The following ESR1 variants were observed in gnomAD, a reference collection of about 807,000 sequenced individuals.
The protein encoded by ESR1 is estrogen receptor 1, also known as estrogen receptor.
A neutral mutation model predicts 52.7 loss-of-function variants in ESR1; 12 were observed. The observed-to-expected ratio is 0.23, with a 90% CI of 0.15 to 0.37. The LOEUF (loss-of-function observed/expected upper bound fraction) is 0.37. Ranked by LOEUF, ESR1 falls within the 10% of genes least tolerant of loss-of-function variation. The pLI is 1.00. For missense variants in ESR1, 584 were observed against 779.7 expected (o/e 0.75, Z 2.99); for synonymous variants, 305 against 316.8 (o/e 0.96, Z 0.39).
rs7772340 is a variant in ESR1 at position 151,893,147 on chromosome 6, T to C, written c.760+12376T>C. Among the ~76,000 whole-genome samples the C allele has an allele frequency of 3.4e-4, 52 of 152,194 alleles. No individual in the cohort carries two copies. The East Asian group carries it at 7.6e-3, about 22-fold the overall frequency. ...CGGAGCTTGCAGTGAGCCAAGATCG[T>C]GCCACTGCACTCCAGACTGGGCGAC... On this transcript the variant is annotated intron_variant, in intron 3 of 7. Coordinates refer to ENST00000206249, the MANE Select transcript of ESR1 (RefSeq NM_000125.4).
chr6:151,903,401 C>T (rs534618133), intron 3 of ESR1, among the ~76,000 whole-genome samples: 24 of 152,086 alleles, frequency 1.6e-4, no homozygotes, highest in Non-Finnish European at 2.2e-4. Flanking sequence ...GTGAGAGAGC[C>T]GTTTCCATCA....
chr6:151,823,254 C>T (rs953668550), intron 1 of ESR1, among the ~76,000 whole-genome samples: 4 of 152,104 alleles, frequency 2.6e-5, no homozygotes, highest in Non-Finnish European at 4.4e-5. Context: ...TTATGGTGCC[C>T]GTTTCCACCT....
intron 1 of ESR1, among the ~76,000 whole-genome samples, chr6:151,672,259 G>A (rs535794038): frequency 3.9e-5 from 6 of 151,964 alleles, no homozygotes; most frequent in Non-Finnish European, 5.9e-5. Flanking sequence ...AAAAATATAT[G>A]CGGTTTTTAT....
chr6:151,880,389 G>A (rs1167446407), intron 2 of ESR1, among the ~76,000 whole-genome samples: 2 of 151,886 alleles, frequency 1.3e-5, no homozygotes, highest in Non-Finnish European at 2.9e-5. Context: ...CACCATGTTG[G>A]TCAGGCTGGT....
intron 2 of ESR1, among the ~76,000 whole-genome samples, chr6:151,759,528 A>T (rs948582566): frequency 6.6e-6 from 1 of 151,434 alleles, no homozygotes; most frequent in Admixed American, 6.6e-5. Context: ...TAATAATAAT[A>T]AAAAAAGAAT....
At chr6:152,103,980 C>CTTTTTTTTTTTT (rs369261779), downstream of ESR1, among the ~76,000 whole-genome samples, 1 of 93,884 alleles carries the variant, frequency 1.1e-5, no homozygotes, top group Middle Eastern at 7.7e-3. Context: ...TTCATTCTAC[C>CTTTTTTTTTTTT]TTTTTTTTTT....
At chr6:151,863,153 C>T (rs1316407322) in intron 2 of ESR1, among the ~76,000 whole-genome samples, 2 of 151,982 alleles carry the variant, frequency 1.3e-5, no homozygotes, top group Admixed American at 1.3e-4. Context: ...TTTTTTGGTT[C>T]CATATGAACT....
intron 2 of ESR1, among the ~76,000 whole-genome samples, chr6:151,777,681 T>C (rs79225868): frequency 0.087 from 13,185 of 152,044 alleles, 684 homozygotes; most frequent in African/African-American, 0.1. Context: ...ACAATAGGGC[T>C]GGGTATAGTG....
intron 2 of ESR1, among the ~76,000 whole-genome samples, chr6:151,759,002 C>T (rs544321874): frequency 1.1e-3 from 169 of 151,436 alleles, no homozygotes; most frequent in Admixed American, 4.8e-3. Context: ...TAAGGCCGGA[C>T]GCAGTGGCTC....
In ESR1 at chr6:151,938,149, A is replaced by G. The variant is rs117979638; in HGVS notation, c.761-6024A>G. ...ATTATGCAAATGTTTGAAATATCTA[A>G]TAATACATGAACGTAGTCATGGGAA... On this transcript the variant is annotated intron_variant, in intron 3 of 7. Transcript: ENST00000206249. 3.0e-4 allele frequency among the ~76,000 whole-genome samples: 46 copies of G among 152,366 alleles called. No individual in the cohort carries two copies. In the East Asian group the frequency reaches 7.7e-3, roughly 26 times the overall value.
At chr6:151,710,484 A>G (rs980518419) in intron 2 of ESR1, among the ~76,000 whole-genome samples, 2 of 152,194 alleles carry the variant, frequency 1.3e-5, no homozygotes, top group Non-Finnish European at 2.9e-5. Context: ...TTAGCTTGAA[A>G]CATGAAATTG....
chr6:151,751,617 C>T (rs911053103), intron 2 of ESR1, among the ~76,000 whole-genome samples: 5 of 152,140 alleles, frequency 3.3e-5, no homozygotes, highest in South Asian at 2.1e-4. Flanking sequence ...AGTTAATATC[C>T]AAACCTGGAG....
chr6:151,734,229 A>C (rs1782466016), intron 2 of ESR1, among the ~76,000 whole-genome samples: 1 of 152,200 alleles, frequency 6.6e-6, no homozygotes, highest in South Asian at 2.1e-4. Flanking sequence ...GCCATGCAAC[A>C]GGCCTGGCTG....
chr6:152,012,001 A>T (rs2042803485), intron 5 of ESR1, among the ~76,000 whole-genome samples: 1 of 143,240 alleles, frequency 7.0e-6, no homozygotes, highest in Non-Finnish European at 1.5e-5. Flanking sequence ...CCTCAGAAGA[A>T]TTCTATTATT....
At chr6:151,717,945 G>A (rs562434462) in intron 2 of ESR1, among the ~76,000 whole-genome samples, 24 of 152,284 alleles carry the variant, frequency 1.6e-4, no homozygotes, top group African/African-American at 5.8e-4. Flanking sequence ...GCTGGGGAGT[G>A]TGGAGGAGCT....
chr6:151,801,335 T>C (rs1777223794), upstream of ESR1, among the ~76,000 whole-genome samples: 1 of 152,212 alleles, frequency 6.6e-6, no homozygotes, highest in African/African-American at 2.4e-5. Context: ...AGGTACATTA[T>C]ATAAAAAGAT....
intron 2 of ESR1, among the ~76,000 whole-genome samples, chr6:151,706,461 C>G (rs78362552): frequency 0.03 from 4,568 of 152,204 alleles, 223 homozygotes; most frequent in African/African-American, 0.1. Context: ...TTGCCTCAAC[C>G]AGGAAGCACA....
At position 152,099,016 on chromosome 6, in the gene ESR1, C is replaced by A. The variant is rs2152507654; in HGVS notation, c.*50C>A. The A allele has an allele frequency of 6.7e-7, 1 of 1,498,032 alleles. No homozygotes were observed. Among genetic ancestry groups the A allele is most frequent in the Non-Finnish European group, 9.3e-7 (1 of 1,079,800 alleles). 92.8% of individuals were successfully genotyped at this position (1,498,032 alleles called of 1,614,324 possible). A position where few individuals can be genotyped will look rare whatever the true frequency, so the allele number is the denominator to read the frequency against. On this transcript the variant is annotated 3_prime_UTR_variant, in exon 8 of 8. Coordinates refer to ENST00000206249, the MANE Select transcript of ESR1 (RefSeq NM_000125.4). ...CAGATAATCCCTGCTGCATTTTACCCTCATCATGCACCACTTTAGCCAAAT... is the reference window on the plus strand; with the variant it reads ...CAGATAATCCCTGCTGCATTTTACCATCATCATGCACCACTTTAGCCAAAT...
intron 3 of ESR1, among the ~76,000 whole-genome samples, chr6:151,929,994 T>C (rs1315712532): frequency 1.3e-5 from 2 of 152,130 alleles, no homozygotes; most frequent in Non-Finnish European, 2.9e-5. Context: ...TTCTTTTTTT[T>C]TTTTTTGAGA....
Sources: allele counts gnomAD v4.1 joint callset (sites outside exome capture counted in the v4.1 genomes callset), GRCh38; gene constraint gnomAD v4.1.1; transcripts MANE v1.5; gene names NCBI Gene and HGNC (gene_info 2026-07-23, HGNC 2026-07-21).